Variants in NAALADL2 observed in about 807,000 individuals in gnomAD.
NAALADL2 encodes the protein inactive N-acetylated-alpha-linked acidic dipeptidase-like protein 2.
In NAALADL2, 76 loss-of-function variants were observed where a neutral mutation model predicts 87.2. The ratio of observed to expected loss-of-function variants is 0.87; its 90% CI spans 0.72 to 1.05. The LOEUF (loss-of-function observed/expected upper bound fraction) is 1.05. Ranked by LOEUF, NAALADL2 falls within the 50% of genes least tolerant of loss-of-function variation. The pLI is 0.00. For synonymous variants in NAALADL2, 354 were observed against 331.0 expected, an observed-to-expected ratio of 1.07 and a Z score of -0.75; for missense variants, 1,089 against 945.8, an observed-to-expected ratio of 1.15 and a Z score of -1.99.
intron 2 of NAALADL2, among the ~76,000 whole-genome samples, chr3:175,133,090 C>A: frequency 6.8e-6 from 1 of 147,994 alleles, no homozygotes; most frequent in Non-Finnish European, 1.5e-5. Flanking sequence ...GACGGGGCGG[C>A]GGGGCAGAGG....
chr3:174,646,891 A>G (rs751704148), intron 2 of NAALADL2, among the ~76,000 whole-genome samples: 1 of 152,168 alleles, frequency 6.6e-6, no homozygotes, highest in Non-Finnish European at 1.5e-5. Flanking sequence ...ACATAAATGT[A>G]TTGGACAAAA....
chr3:174,906,763 C>G (rs1261587666), intron 1 of NAALADL2, among the ~76,000 whole-genome samples: 2 of 152,104 alleles, frequency 1.3e-5, no homozygotes, highest in Admixed American at 6.6e-5. Flanking sequence ...TTCTAACCAA[C>G]AGAAAATGTG....
At chr3:175,374,983 A>T (rs973826115) in intron 5 of NAALADL2, among the ~76,000 whole-genome samples, 1 of 152,162 alleles carries the variant, frequency 6.6e-6, no homozygotes, top group African/African-American at 2.4e-5. Flanking sequence ...GTGCTTGAAA[A>T]TACATTTTTT....
chr3:174,690,894 C>T (rs1174813842), intron 2 of NAALADL2, among the ~76,000 whole-genome samples: 5 of 152,068 alleles, frequency 3.3e-5, no homozygotes, highest in Non-Finnish European at 7.4e-5. Flanking sequence ...TATGGCATGA[C>T]AACTGTAAGT....
chr3:174,706,044 A>C (rs561267478), intron 2 of NAALADL2, among the ~76,000 whole-genome samples: 1 of 152,332 alleles, frequency 6.6e-6, no homozygotes, highest in African/African-American at 2.4e-5. Flanking sequence ...AATTCAATAC[A>C]GAGTTAAATT....
intron 1 of NAALADL2, among the ~76,000 whole-genome samples, chr3:174,995,497 A>T (rs555137487): frequency 6.6e-6 from 1 of 152,232 alleles, no homozygotes; most frequent in South Asian, 2.1e-4. Flanking sequence ...AGGGAGAGGT[A>T]TTTGGGTTTG....
chr3:175,075,757 G>A (rs1164837325), intron 1 of NAALADL2, among the ~76,000 whole-genome samples: 1 of 152,102 alleles, frequency 6.6e-6, no homozygotes, highest in Non-Finnish European at 1.5e-5. Context: ...CCAAGTTAAT[G>A]CATGCACAAA....
chr3:175,632,553 CAG>C (rs926824137), intron 11 of NAALADL2, among the ~76,000 whole-genome samples: 7 of 151,936 alleles, frequency 4.6e-5, no homozygotes, highest in South Asian at 2.1e-4. Context: ...TTTTGGAAAA[CAG>C]AGACAGATTT....
intron 2 of NAALADL2, among the ~76,000 whole-genome samples, chr3:174,722,354 T>A (rs1458908655): frequency 6.6e-6 from 1 of 152,220 alleles, no homozygotes; most frequent in Non-Finnish European, 1.5e-5. Context: ...TTGAACTTTT[T>A]AAAATAAAAT....
chr3:175,238,351 A>G (rs1396216697), intron 3 of NAALADL2, among the ~76,000 whole-genome samples: 2 of 152,170 alleles, frequency 1.3e-5, no homozygotes, highest in Non-Finnish European at 2.9e-5. Flanking sequence ...AGATGTAGAA[A>G]TATACTCCAT....
At chr3:174,585,580 A>G (rs1716612822) in intron 2 of NAALADL2, among the ~76,000 whole-genome samples, 1 of 152,058 alleles carries the variant, frequency 6.6e-6, no homozygotes, top group Admixed American at 6.6e-5. Context: ...TCTACCCTGG[A>G]TCTGTGCTAG....
At chr3:174,903,178 G>A (rs1428068225) in intron 1 of NAALADL2, among the ~76,000 whole-genome samples, 1 of 152,008 alleles carries the variant, frequency 6.6e-6, no homozygotes, top group East Asian at 1.9e-4. Context: ...TGGTAAAACT[G>A]AAGAGTTGAG....
chr3:175,080,678 T>C (rs1332496276), intron 1 of NAALADL2, among the ~76,000 whole-genome samples: 1 of 152,218 alleles, frequency 6.6e-6, no homozygotes, highest in Non-Finnish European at 1.5e-5. Flanking sequence ...TATCATCACT[T>C]ATCTGTGTGG....
At chr3:174,831,995 CTCTT>C (rs1722763131) in intron 3 of NAALADL2, among the ~76,000 whole-genome samples, 1 of 151,876 alleles carries the variant, frequency 6.6e-6, no homozygotes, top group Admixed American at 6.6e-5. Flanking sequence ...TGATTCTTCT[CTCTT>C]TTTTTCTTTA....
intron 13 of NAALADL2, among the ~76,000 whole-genome samples, chr3:175,769,641 T>G (rs977452545): frequency 5.3e-5 from 8 of 152,208 alleles, no homozygotes; most frequent in African/African-American, 1.9e-4. Context: ...TGATGTGGTC[T>G]TTTAATAATC....
At chr3:174,629,888 C>T (rs746959821) in intron 2 of NAALADL2, among the ~76,000 whole-genome samples, 1 of 152,164 alleles carries the variant, frequency 6.6e-6, no homozygotes, top group Non-Finnish European at 1.5e-5. Context: ...TGCCCTGGAC[C>T]ACAAATGACT....
intron 6 of NAALADL2, among the ~76,000 whole-genome samples, chr3:175,449,586 G>A (rs1393864910): frequency 6.6e-6 from 1 of 151,440 alleles, no homozygotes; most frequent in Non-Finnish European, 1.5e-5. Flanking sequence ...GTAGAGACGG[G>A]GTCTCACCAT....
intron 1 of NAALADL2, among the ~76,000 whole-genome samples, chr3:175,017,089 A>G (rs1750919867): frequency 1.3e-5 from 2 of 152,188 alleles, no homozygotes; most frequent in South Asian, 2.1e-4. Context: ...ATGCAATACA[A>G]CTAGTTACCC....
At chr3:175,489,150 G>A (rs368587665) in intron 9 of NAALADL2, among the ~76,000 whole-genome samples, 1 of 152,062 alleles carries the variant, frequency 6.6e-6, no homozygotes, top group Non-Finnish European at 1.5e-5. Context: ...AGCATAAAAA[G>A]ATATTACACA....
Sources: gnomAD v4.1 joint callset for allele counts (sites outside exome capture counted in the v4.1 genomes callset) on GRCh38, gnomAD v4.1.1 for gene constraint, MANE v1.5 for transcripts, NCBI Gene and HGNC (gene_info 2026-07-23, HGNC 2026-07-21) for gene names.